Variants in LYPD6 observed in about 807,000 individuals in gnomAD.
LYPD6 encodes LY6/PLAUR domain containing 6, also known as ly6/PLAUR domain-containing protein 6.
A neutral mutation model predicts 22.7 loss-of-function variants in LYPD6; 15 were observed. The observed-to-expected ratio is 0.66, with a 90% CI of 0.44 to 1.02. LYPD6 has a LOEUF of 1.02. LYPD6 is among the 50% of genes least tolerant of loss of function. The probability of loss-of-function intolerance (pLI) is 0.00; values close to 1 mark genes in which losing one functional copy is unlikely to be tolerated. For missense variants in LYPD6, 189 were observed against 208.4 expected (o/e 0.91, Z 0.57); for synonymous variants, 72 against 77.5 (o/e 0.93, Z 0.37).
intron 1 of LYPD6, among the ~76,000 whole-genome samples, chr2:149,333,229 A>T (rs1416876371): frequency 6.6e-6 from 1 of 152,232 alleles, no homozygotes; most frequent in Non-Finnish European, 1.5e-5. Flanking sequence ...GACATTGGTT[A>T]GAGAGAAATC....
chr2:149,376,087 A>G (rs1681914953), intron 1 of LYPD6, among the ~76,000 whole-genome samples: 1 of 152,228 alleles, frequency 6.6e-6, no homozygotes, highest in Admixed American at 6.5e-5. Context: ...GCATGCTGGC[A>G]TGGAAACCGC....
intron 1 of LYPD6, among the ~76,000 whole-genome samples, chr2:149,409,368 T>A (rs1448208736): frequency 1.3e-5 from 2 of 152,000 alleles, no homozygotes; most frequent in Non-Finnish European, 2.9e-5. Flanking sequence ...AGCACTGATT[T>A]TGTGTTGGTT....
chr2:149,468,182 C>CAT (rs1553446201), intron 3 of LYPD6, among the ~76,000 whole-genome samples: 3 of 147,292 alleles, frequency 2.0e-5, no homozygotes, highest in African/African-American at 7.6e-5. Flanking sequence ...CACACACACA[C>CAT]ACACACCAGC....
At chr2:149,461,479 A>C (rs961488679) in intron 3 of LYPD6, among the ~76,000 whole-genome samples, 5 of 151,984 alleles carry the variant, frequency 3.3e-5, no homozygotes, top group Non-Finnish European at 7.4e-5. Flanking sequence ...ATTAACACCA[A>C]TTCTAGATAA....
At position 149,431,823 on chromosome 2, in the gene LYPD6, A is replaced by C. The variant is rs559433030; in HGVS notation, c.-71-5815A>C. Among the ~76,000 whole-genome samples, 4 of 152,316 alleles carry C rather than the reference A, an allele frequency of 2.6e-5. No homozygotes were observed. The East Asian group carries it at 7.7e-4, about 29-fold the overall frequency. ...CAAAGGACTCCATCAAGAAAGTAAA[A>C]GACAACAAAGAATGGGAGAGGATAT... On this transcript the variant is annotated intron_variant, in intron 1 of 4. Coordinates refer to ENST00000334166, the MANE Select transcript of LYPD6 (RefSeq NM_194317.5).
intron 1 of LYPD6, among the ~76,000 whole-genome samples, chr2:149,362,422 G>A (rs867982704): frequency 4.6e-5 from 7 of 152,136 alleles, no homozygotes; most frequent in African/African-American, 1.7e-4. Context: ...GTGGATAGTT[G>A]TGGAGAAATA....
chr2:149,353,473 C>T (rs1341691326), intron 1 of LYPD6, among the ~76,000 whole-genome samples: 2 of 152,152 alleles, frequency 1.3e-5, no homozygotes, highest in Non-Finnish European at 2.9e-5. Context: ...AGACCAGCTG[C>T]TGTGTAATTA....
At chr2:149,408,394 A>G (rs766054096) in intron 1 of LYPD6, among the ~76,000 whole-genome samples, 8 of 152,158 alleles carry the variant, frequency 5.3e-5, no homozygotes, top group African/African-American at 7.2e-5. Context: ...TTAGGCAATG[A>G]TCTTTTTGCA....
intron 1 of LYPD6, among the ~76,000 whole-genome samples, chr2:149,408,619 T>C (rs1237999367): frequency 6.6e-6 from 1 of 152,220 alleles, no homozygotes; most frequent in Non-Finnish European, 1.5e-5. Flanking sequence ...ATTTTTTCTT[T>C]GTCTTTGACA....
At chr2:149,477,870 A>T (rs1033665212), downstream of LYPD6, among the ~76,000 whole-genome samples, 1 of 152,206 alleles carries the variant, frequency 6.6e-6, no homozygotes, top group Non-Finnish European at 1.5e-5. Flanking sequence ...TCAGATAGGC[A>T]TCAAAAGGTC....
chr2:149,367,842 T>G (rs1018702562), intron 1 of LYPD6: 3 of 152,196 alleles, frequency 2.0e-5, no homozygotes, highest in East Asian at 1.9e-4. Context: ...TATCTTTTCC[T>G]TCTCATTTTC....
intron 1 of LYPD6, among the ~76,000 whole-genome samples, chr2:149,365,615 C>T (rs995674155): frequency 2.0e-5 from 3 of 151,622 alleles, no homozygotes; most frequent in African/African-American, 4.8e-5. Flanking sequence ...TGTTTCTCAA[C>T]GTTTATTTTT....
intron 2 of LYPD6, among the ~76,000 whole-genome samples, chr2:149,442,561 A>G (rs1683590894): frequency 6.6e-6 from 1 of 152,058 alleles, no homozygotes; most frequent in Non-Finnish European, 1.5e-5. Context: ...GGCCACAACA[A>G]TTTGAAACTC....
chr2:149,348,680 T>A (rs1681305790), intron 1 of LYPD6, among the ~76,000 whole-genome samples: 1 of 152,224 alleles, frequency 6.6e-6, no homozygotes, highest in African/African-American at 2.4e-5. Flanking sequence ...TGTTGATTCT[T>A]CCCCCACTCT....
At chr2:149,382,082 T>C (rs539881102) in intron 1 of LYPD6, among the ~76,000 whole-genome samples, 1 of 152,302 alleles carries the variant, frequency 6.6e-6, no homozygotes, top group African/African-American at 2.4e-5. Flanking sequence ...TAGCAAGTTT[T>C]AATGGGGACA....
chr2:149,415,461 A>G (rs9288269), intron 1 of LYPD6, among the ~76,000 whole-genome samples: 50,018 of 151,936 alleles, frequency 0.33, 9,849 homozygotes, highest in East Asian at 0.79. Flanking sequence ...TAGAGATGGT[A>G]CAGGCACATT....
downstream of LYPD6, among the ~76,000 whole-genome samples, chr2:149,475,798 G>A (rs1317141107): frequency 2.0e-5 from 3 of 152,054 alleles, no homozygotes; most frequent in East Asian, 1.9e-4. Flanking sequence ...ACCTTGCTTC[G>A]GTTAATCAGC....
intron 1 of LYPD6, among the ~76,000 whole-genome samples, chr2:149,400,479 A>G (rs1682528943): frequency 6.6e-6 from 1 of 152,202 alleles, no homozygotes; most frequent in Admixed American, 6.5e-5. Context: ...TTTCCGGAGC[A>G]TGAGAGACGA....
intron 1 of LYPD6, among the ~76,000 whole-genome samples, chr2:149,415,567 G>T (rs1035232944): frequency 6.6e-6 from 1 of 152,074 alleles, no homozygotes; most frequent in Non-Finnish European, 1.5e-5. Context: ...AGAGCTATCA[G>T]ACTGCAATGC....
Sources: allele counts gnomAD v4.1 joint callset (sites outside exome capture counted in the v4.1 genomes callset), GRCh38; gene constraint gnomAD v4.1.1; transcripts MANE v1.5; gene names NCBI Gene and HGNC (gene_info 2026-07-23, HGNC 2026-07-21).